The following ADAMTSL1 variants were observed in gnomAD, a reference collection of about 807,000 sequenced individuals.
The protein encoded by ADAMTSL1 is ADAMTS like 1.
In ADAMTSL1, 126 loss-of-function variants were observed where a neutral mutation model predicts 201.8. That is an observed-to-expected ratio of 0.62 (90% CI 0.54 to 0.72). The LOEUF (loss-of-function observed/expected upper bound fraction) is 0.72, where lower values mean the gene tolerates loss of function less well. Among genes scored for constraint, ADAMTSL1 ranks in the 30% least tolerant of loss-of-function variants. The pLI, the probability that ADAMTSL1 is intolerant of heterozygous loss-of-function variation, is 0.00. For synonymous variants in ADAMTSL1, 1,121 were observed against 903.4 expected, an observed-to-expected ratio of 1.24 and a Z score of -4.32; for missense variants, 2,679 against 2,277.8, an observed-to-expected ratio of 1.18 and a Z score of -3.59.
intron 14 of ADAMTSL1, among the ~76,000 whole-genome samples, chr9:18,720,758 G>C (rs966469935): frequency 6.6e-6 from 1 of 152,094 alleles, no homozygotes; most frequent in African/African-American, 2.4e-5. Flanking sequence ...ACTCCAGCCT[G>C]GGCAAGATTC....
chr9:17,938,182 G>A (rs978788823), intron 1 of ADAMTSL1, among the ~76,000 whole-genome samples: 3 of 152,128 alleles, frequency 2.0e-5, no homozygotes, highest in African/African-American at 7.2e-5. Context: ...TAATTTACAT[G>A]GGGTGTGTGC....
intron 2 of ADAMTSL1, among the ~76,000 whole-genome samples, chr9:18,243,907 CGAATGCTTAGTCAAGTGGTCAT>C (rs1831160584): frequency 6.6e-6 from 1 of 151,620 alleles, no homozygotes. Context: ...CAAGTGGTCA[CGAATGCTTAGTCAAGTGGTCAT>C]GAATGCTTAG....
intron 2 of ADAMTSL1, among the ~76,000 whole-genome samples, chr9:18,197,374 C>G (rs868699675): frequency 1.4e-5 from 2 of 147,444 alleles, no homozygotes; most frequent in African/African-American, 5.0e-5. Flanking sequence ...GTTTGTAGTT[C>G]TCCTTGAAGA....
intron 13 of ADAMTSL1, among the ~76,000 whole-genome samples, chr9:18,689,951 G>A (rs1201010035): frequency 2.0e-5 from 3 of 152,170 alleles, no homozygotes; most frequent in Non-Finnish European, 4.4e-5. Context: ...AATAGTCAGG[G>A]CTTAAATGTA....
At chr9:18,298,506 G>T (rs916826221) in intron 2 of ADAMTSL1, among the ~76,000 whole-genome samples, 4 of 152,112 alleles carry the variant, frequency 2.6e-5, no homozygotes, top group African/African-American at 9.7e-5. Flanking sequence ...GGTCAGCTCA[G>T]AATATTTGAG....
At chr9:17,977,378 G>C (rs564075397) in intron 1 of ADAMTSL1, among the ~76,000 whole-genome samples, 1 of 152,208 alleles carries the variant, frequency 6.6e-6, no homozygotes. Context: ...AAAAGATTTT[G>C]AGAAGGATTG....
chr9:18,630,179 A>T (rs1279370504), intron 5 of ADAMTSL1, among the ~76,000 whole-genome samples: 1 of 152,132 alleles, frequency 6.6e-6, no homozygotes, highest in Non-Finnish European at 1.5e-5. Flanking sequence ...GACCAAAGCC[A>T]TGTTTGGTCT....
intron 2 of ADAMTSL1, among the ~76,000 whole-genome samples, chr9:18,177,000 G>C (rs576016609): frequency 6.6e-6 from 1 of 152,294 alleles, no homozygotes; most frequent in South Asian, 2.1e-4. Context: ...ATTATAGTTT[G>C]CAATTATATT....
At position 18,886,188 on chromosome 9, in the gene ADAMTSL1, A is replaced by G. The variant is rs1252331556; in HGVS notation, c.4250-1643A>G. Among the ~76,000 whole-genome samples the G allele has an allele frequency of 2.8e-4, 36 of 130,710 alleles. 1 individual carries two copies. Among genetic ancestry groups the G allele is most frequent in the African/African-American group, 6.1e-4 (21 of 34,342 alleles). 85.8% of individuals were successfully genotyped at this position (130,710 alleles called of 152,430 possible). On this transcript the variant is annotated intron_variant, in intron 23 of 28. Transcript: ENST00000380548. ...TGTGTATATATATATATATATATAT[A>G]TATATATATATATATATATATATAC... is the stretch of plus-strand genomic sequence containing the variant.
chr9:18,759,219 C>A (rs1385666248), intron 16 of ADAMTSL1, among the ~76,000 whole-genome samples: 1 of 152,136 alleles, frequency 6.6e-6, no homozygotes, highest in African/African-American at 2.4e-5. Context: ...TCCCTCTAAA[C>A]CTTTCTTAAT....
At chr9:18,111,272 T>A (rs1824994313) in intron 1 of ADAMTSL1, among the ~76,000 whole-genome samples, 1 of 152,182 alleles carries the variant, frequency 6.6e-6, no homozygotes, top group Non-Finnish European at 1.5e-5. Context: ...ACACATTGAA[T>A]TGTAATTTGT....
intron 9 of ADAMTSL1, among the ~76,000 whole-genome samples, chr9:18,664,311 TTAGA>T (rs1829295081): frequency 1.3e-5 from 2 of 151,924 alleles, no homozygotes; most frequent in African/African-American, 2.4e-5. Flanking sequence ...CCTAAGAAAA[TTAGA>T]TAGAATAGAC....
At chr9:18,586,067 T>C (rs762867109) in intron 4 of ADAMTSL1, among the ~76,000 whole-genome samples, 2 of 152,062 alleles carry the variant, frequency 1.3e-5, no homozygotes, top group Non-Finnish European at 2.9e-5. Flanking sequence ...CTATTCAACA[T>C]CATATTGGAA....
At chr9:18,858,408 T>A (rs1238393684) in intron 23 of ADAMTSL1, among the ~76,000 whole-genome samples, 2 of 152,152 alleles carry the variant, frequency 1.3e-5, no homozygotes, top group Admixed American at 1.3e-4. Flanking sequence ...CAACATCCCA[T>A]CCTGGACTAC....
intron 1 of ADAMTSL1, among the ~76,000 whole-genome samples, chr9:18,021,872 A>G (rs1264580740): frequency 2.0e-5 from 3 of 152,112 alleles, no homozygotes; most frequent in Non-Finnish European, 4.4e-5. Context: ...TATCTGACAA[A>G]CTGTAATCAG....
At chr9:18,233,024 A>G (rs1830701697) in intron 2 of ADAMTSL1, among the ~76,000 whole-genome samples, 1 of 152,168 alleles carries the variant, frequency 6.6e-6, no homozygotes, top group Non-Finnish European at 1.5e-5. Context: ...TGCTATTATC[A>G]TCTCTACATC....
intron 25 of ADAMTSL1, chr9:18,890,903 G>A: frequency 4.0e-6 from 1 of 250,858 alleles, no homozygotes; most frequent in Non-Finnish European, 7.9e-6. Context: ...ATTTGGTGAT[G>A]GTCAGAGTCA....
At chr9:18,011,133 A>C (rs566961760) in intron 1 of ADAMTSL1, among the ~76,000 whole-genome samples, 1 of 152,028 alleles carries the variant, frequency 6.6e-6, no homozygotes, top group Admixed American at 6.6e-5. Flanking sequence ...AACTTTTCTC[A>C]GGAGTTTATA....
chr9:18,376,761 G>C (rs894505320), intron 2 of ADAMTSL1, among the ~76,000 whole-genome samples: 3 of 152,062 alleles, frequency 2.0e-5, no homozygotes, highest in Non-Finnish European at 4.4e-5. Context: ...AGCCAAGATC[G>C]CATCACTGCA....
Sources: allele counts gnomAD v4.1 joint callset (sites outside exome capture counted in the v4.1 genomes callset), GRCh38; gene constraint gnomAD v4.1.1; transcripts MANE v1.5; gene names NCBI Gene and HGNC (gene_info 2026-07-23, HGNC 2026-07-21).